The following TANC2 variants were observed in gnomAD, a reference collection of about 807,000 sequenced individuals.
TANC2 encodes the protein tetratricopeptide repeat, ankyrin repeat and coiled-coil containing 2.
TANC2 carries 26 observed loss-of-function variants against 210.5 expected under a neutral mutation model. The observed-to-expected ratio is 0.12, with a 90% CI of 0.09 to 0.17. The LOEUF is 0.17. Ranked by LOEUF, TANC2 falls within the 10% of genes least tolerant of loss-of-function variation. The pLI is 1.00. For missense variants in TANC2, 2,129 were observed against 2,608.9 expected, an observed-to-expected ratio of 0.82 and a Z score of 4.01; for synonymous variants, 931 against 967.1, an observed-to-expected ratio of 0.96 and a Z score of 0.69.
At chr17:63,307,470 T>C (rs2044958700) in intron 9 of TANC2, among the ~76,000 whole-genome samples, 1 of 152,330 alleles carries the variant, frequency 6.6e-6, no homozygotes, top group Non-Finnish European at 1.5e-5. Context: ...CTAACTTGTC[T>C]AAGATATTCA....
rs185537016 is a variant in TANC2 at position 63,220,834 on chromosome 17, A to G, written c.770-16980A>G. Reference sequence around the variant, plus strand: ...TATGTATATATACGTGTATATGTATATATGTGTGTATATACGTATATACGT... The same window carrying G: ...TATGTATATATACGTGTATATGTATGTATGTGTGTATATACGTATATACGT... On this transcript the variant is annotated intron_variant, in intron 7 of 27. Transcript: ENST00000689528. Among the ~76,000 whole-genome samples the G allele has an allele frequency of 2.3e-4, 34 of 149,316 alleles. No homozygotes were observed. In the South Asian group the frequency reaches 2.3e-3, roughly 10 times the overall value.
rs117635522 is a variant in TANC2, at chr17:63,371,628, T to G, written c.2583-8090T>G. On this transcript the variant is annotated intron_variant, in intron 14 of 27. Coordinates refer to ENST00000689528, the Ensembl canonical transcript of TANC2. ...CATGCTAGAAATATCCAGATTTATT[T>G]GTTAGCATGTTTTGGTACTACAAAG... Among the ~76,000 whole-genome samples the G allele has an allele frequency of 7.8e-3, 1,189 of 152,344 alleles. 8 individuals carry two copies. The highest frequency in any genetic ancestry group is 0.011 in the Non-Finnish European group (741 of 68,030).
intron 15 of TANC2, 123 bp from the exon 16 acceptor site, chr17:63,388,512 C>A: frequency 2.0e-6 from 2 of 989,032 alleles, no homozygotes; most frequent in Non-Finnish European, 2.9e-6. Flanking sequence ...TTGGCATGAA[C>A]ATTGTTAGGG....
At chr17:63,222,720 A>AACAC (rs58881477) in intron 7 of TANC2, among the ~76,000 whole-genome samples, 136 of 148,968 alleles carry the variant, frequency 9.1e-4, no homozygotes, top group African/African-American at 1.7e-3. Flanking sequence ...AAACTGATTA[A>AACAC]ACACACACAC....
chr17:63,110,007 T>C (rs2037973541), intron 4 of TANC2, among the ~76,000 whole-genome samples: 2 of 151,778 alleles, frequency 1.3e-5, no homozygotes, highest in African/African-American at 4.9e-5. Flanking sequence ...AAGATGGTAG[T>C]ACAGCTGTGT....
intron 3 of TANC2, among the ~76,000 whole-genome samples, chr17:63,098,505 CTCTCTG>C (rs372856816): frequency 8.7e-5 from 8 of 92,348 alleles, no homozygotes; most frequent in African/African-American, 3.1e-4. Flanking sequence ...CTCTCTCTCT[CTCTCTG>C]TGTGTATATA....
exon 10 of TANC2, chr17:63,314,480 C>G: frequency 6.2e-7 from 1 of 1,613,790 alleles, no homozygotes; most frequent in Non-Finnish European, 8.5e-7. Flanking sequence ...GTTTGTTGGC[C>G]GAGATTGGGT....
At chr17:63,169,597 T>G (rs2040330356) in intron 5 of TANC2, among the ~76,000 whole-genome samples, 1 of 152,076 alleles carries the variant, frequency 6.6e-6, no homozygotes, top group Non-Finnish European at 1.5e-5. Context: ...GATTGGATCA[T>G]GAGGTCAGGA....
intron 7 of TANC2, among the ~76,000 whole-genome samples, chr17:63,206,191 G>A (rs1283311028): frequency 1.3e-5 from 2 of 152,160 alleles, no homozygotes; most frequent in African/African-American, 4.8e-5. Flanking sequence ...TAAAAAGAAA[G>A]TGGAACATAA....
At chr17:63,290,720 C>T (rs548036200) in intron 9 of TANC2, among the ~76,000 whole-genome samples, 16 of 152,124 alleles carry the variant, frequency 1.1e-4, no homozygotes. Flanking sequence ...TCTAGTGCCG[C>T]TTACTCCATC....
At chr17:63,399,773 T>TG (rs1567986390) in intron 19 of TANC2, among the ~76,000 whole-genome samples, 1 of 152,230 alleles carries the variant, frequency 6.6e-6, no homozygotes, top group Non-Finnish European at 1.5e-5. Flanking sequence ...AAGAGGTTCT[T>TG]GAACTCATTT....
intron 1 of TANC2, among the ~76,000 whole-genome samples, chr17:62,970,802 A>G (rs1400484639): frequency 6.6e-6 from 1 of 152,206 alleles, no homozygotes; most frequent in Non-Finnish European, 1.5e-5. Context: ...GTTAGCTGGG[A>G]TATTTTTGCT....
At chr17:63,173,431 T>C (rs1373631781) in intron 5 of TANC2, among the ~76,000 whole-genome samples, 1 of 152,210 alleles carries the variant, frequency 6.6e-6, no homozygotes, top group Non-Finnish European at 1.5e-5. Flanking sequence ...GATTATTAAC[T>C]GATGACCTCT....
chr17:63,143,526 G>A (rs968679023), intron 4 of TANC2, among the ~76,000 whole-genome samples: 6 of 152,234 alleles, frequency 3.9e-5, no homozygotes, highest in African/African-American at 1.4e-4. Context: ...ATACAGAAAA[G>A]CATTTAGCTC....
At chr17:63,264,463 AT>A (rs1723387936) in intron 8 of TANC2, among the ~76,000 whole-genome samples, 1 of 152,174 alleles carries the variant, frequency 6.6e-6, no homozygotes, top group African/African-American at 2.4e-5. Context: ...TTGGACTATT[AT>A]GACCAAGCAA....
intron 8 of TANC2, among the ~76,000 whole-genome samples, chr17:63,249,846 A>G (rs1456723491): frequency 6.6e-6 from 1 of 152,204 alleles, no homozygotes; most frequent in Admixed American, 6.5e-5. Context: ...AGTCAGCTAG[A>G]GTGACAATTT....
chr17:62,977,081 A>G (rs907239199), intron 1 of TANC2, among the ~76,000 whole-genome samples: 5 of 152,230 alleles, frequency 3.3e-5, no homozygotes, highest in African/African-American at 1.2e-4. Context: ...CCCTTTCTGC[A>G]GAAAGTAAAA....
In TANC2 at chr17:63,027,739, C is replaced by CAAAT. The variant is rs1211732540; in HGVS notation, c.67+18114_67+18117dup. ...AATGAGTGCGATATTAAAGGGAGAG[C>CAAAT]AAATGATAGTTTTAAAATTGGTATG... On this transcript the variant is annotated intron_variant, in intron 2 of 27. Transcript: ENST00000689528. Among the ~76,000 whole-genome samples, 9 of 151,980 alleles carry CAAAT rather than the reference C, an allele frequency of 5.9e-5. No individual in the cohort carries two copies. The South Asian group carries it at 1.2e-3, about 21-fold the overall frequency.
intron 2 of TANC2, among the ~76,000 whole-genome samples, chr17:63,025,804 AAT>A (rs1024437690): frequency 1.7e-5 from 2 of 119,662 alleles, no homozygotes; most frequent in African/African-American, 7.2e-5. Flanking sequence ...TCAAAAATAA[AAT>A]AAAATAAAAT....
Sources: allele counts gnomAD v4.1 joint callset (sites outside exome capture counted in the v4.1 genomes callset), GRCh38; gene constraint gnomAD v4.1.1; transcripts MANE v1.5; gene names NCBI Gene and HGNC (gene_info 2026-07-23, HGNC 2026-07-21).